MALRD1: variants seen among roughly 807,000 people sequenced by gnomAD.
The protein encoded by MALRD1 is MAM and LDL receptor class A domain containing 1, also known as MAM and LDL-receptor class A domain-containing protein 1.
Under a neutral mutation model 242.1 loss-of-function variants are expected in MALRD1, and 247 were observed. The observed-to-expected ratio is 1.02, with a 90% CI of 0.92 to 1.13. The LOEUF (loss-of-function observed/expected upper bound fraction) is 1.13. Ranked by LOEUF, MALRD1 falls within the 50% of genes most tolerant of loss-of-function variation. The pLI is 0.00. For missense variants in MALRD1, 2,989 were observed against 2,533.1 expected (o/e 1.18, Z -3.86); for synonymous variants, 995 against 866.6 (o/e 1.15, Z -2.60).
rs183463460 is a variant in MALRD1 at position 19,586,491 on chromosome 10, G to A, written c.5681-8703G>A. Among the ~76,000 whole-genome samples, 304 of 152,258 alleles carry A rather than the reference G, an allele frequency of 2.0e-3. 7 individuals carry two copies. Among genetic ancestry groups the A allele is most frequent in the Admixed American group, 0.018 (272 of 15,290 alleles). On this transcript the variant is annotated intron_variant, in intron 33 of 39. Coordinates refer to ENST00000454679, the MANE Select transcript of MALRD1 (RefSeq NM_001142308.3). The stretch of plus-strand genomic sequence containing the variant: ...TCTGTTGGAGTACCCGGCCGTGTGA[G>A]GTGTCAATCTGCCCTTGCTGGTGGG...
intron 36 of MALRD1, among the ~76,000 whole-genome samples, chr10:19,628,853 C>G (rs1172382023): frequency 6.6e-6 from 1 of 152,138 alleles, no homozygotes; most frequent in Non-Finnish European, 1.5e-5. Flanking sequence ...CTGCTTCTAA[C>G]AAAGTGTCCT....
chr10:19,149,678 T>C (rs1433417951), intron 11 of MALRD1, among the ~76,000 whole-genome samples: 2 of 152,190 alleles, frequency 1.3e-5, no homozygotes, highest in African/African-American at 4.8e-5. Context: ...ATTTTTTTCA[T>C]TTTTTATGAT....
Position 19,361,681 on chromosome 10 carries a change from G to A in MALRD1, c.4441+9384G>A, listed in dbSNP as rs570080081. ...TTCTGTGACTTCTGTATTGGTAGTC[G>A]GTTTCATGGAGAGCCAATTCTGGGA... On this transcript the variant is annotated intron_variant, in intron 26 of 39. Coordinates refer to ENST00000454679, the MANE Select transcript of MALRD1 (RefSeq NM_001142308.3). Among the ~76,000 whole-genome samples, 5 of 152,084 alleles carry A rather than the reference G, an allele frequency of 3.3e-5. No homozygotes were observed. In the South Asian group the frequency reaches 6.2e-4, roughly 19 times the overall value.
At chr10:19,608,349 C>T (rs540070720) in intron 35 of MALRD1, among the ~76,000 whole-genome samples, 1 of 152,012 alleles carries the variant, frequency 6.6e-6, no homozygotes, top group South Asian at 2.1e-4. Flanking sequence ...TCTATTAAAC[C>T]TTAGCTTGAC....
chr10:19,410,034 A>G (rs893846260), intron 28 of MALRD1, among the ~76,000 whole-genome samples: 2 of 152,148 alleles, frequency 1.3e-5, no homozygotes, highest in African/African-American at 4.8e-5. Flanking sequence ...TGGACAAGAA[A>G]ATAATCTTAG....
chr10:19,140,523 T>TG (rs1408789937), intron 10 of MALRD1, among the ~76,000 whole-genome samples: 2 of 119,942 alleles, frequency 1.7e-5, no homozygotes, highest in African/African-American at 3.0e-5. Context: ...ATCAAACAAG[T>TG]GGGGTGTGTG....
intron 1 of MALRD1, among the ~76,000 whole-genome samples, chr10:19,054,907 A>T (rs1275806427): frequency 1.3e-5 from 2 of 152,190 alleles, no homozygotes; most frequent in Non-Finnish European, 2.9e-5. Context: ...CTTCTTCAGA[A>T]ATATACCTAG....
At chr10:19,133,129 G>A (rs1833181265) in intron 8 of MALRD1, among the ~76,000 whole-genome samples, 1 of 152,028 alleles carries the variant, frequency 6.6e-6, no homozygotes, top group Non-Finnish European at 1.5e-5. Flanking sequence ...AGTAGAGATG[G>A]AGTTTCACCA....
chr10:19,505,234 C>T (rs1326145680), intron 31 of MALRD1, among the ~76,000 whole-genome samples: 1 of 152,112 alleles, frequency 6.6e-6, no homozygotes, highest in Non-Finnish European at 1.5e-5. Flanking sequence ...ATCCTAAGAT[C>T]CAAGTAAAAA....
intron 24 of MALRD1, among the ~76,000 whole-genome samples, chr10:19,331,952 G>A (rs572215938): frequency 8.6e-5 from 13 of 151,966 alleles, no homozygotes; most frequent in African/African-American, 2.2e-4. Context: ...TGCAAACTCC[G>A]CCTCCCAGGT....
intron 10 of MALRD1, 141 bp downstream of exon 10, chr10:19,136,922 AT>A (rs1564415713): frequency 1.9e-6 from 1 of 513,130 alleles, no homozygotes; most frequent in Non-Finnish European, 3.0e-6. Flanking sequence ...CTCTGAAACT[AT>A]TAGTACTATG....
intron 38 of MALRD1, among the ~76,000 whole-genome samples, chr10:19,724,756 C>G (rs1028616886): frequency 2.6e-5 from 4 of 152,024 alleles, no homozygotes; most frequent in African/African-American, 9.7e-5. Flanking sequence ...GGAAGTAAAA[C>G]GCATTCAAAT....
At chr10:19,276,941 G>T (rs527978482) in intron 19 of MALRD1, among the ~76,000 whole-genome samples, 14 of 151,884 alleles carry the variant, frequency 9.2e-5, no homozygotes, top group African/African-American at 2.4e-4. Flanking sequence ...GGGTGGGAAG[G>T]TGGGGTCTTA....
chr10:19,604,427 TATCTTTA>T (rs1361881808), intron 34 of MALRD1, among the ~76,000 whole-genome samples: 1 of 152,182 alleles, frequency 6.6e-6, no homozygotes, highest in Non-Finnish European at 1.5e-5. Context: ...AAGTTCTAAC[TATCTTTA>T]ATTCTGTGAA....
intron 23 of MALRD1, among the ~76,000 whole-genome samples, chr10:19,330,324 AT>A (rs1425491181): frequency 6.6e-6 from 1 of 151,940 alleles, no homozygotes; most frequent in African/African-American, 2.4e-5. Flanking sequence ...ACACAATAGT[AT>A]AAAGACTTAC....
intron 36 of MALRD1, among the ~76,000 whole-genome samples, chr10:19,621,303 C>T (rs1589318576): frequency 8.5e-6 from 1 of 117,994 alleles, no homozygotes; most frequent in African/African-American, 3.2e-5. Flanking sequence ...AAAACAAATA[C>T]ATGCAACACT....
rs377259544 is a variant in MALRD1, at chr10:19,233,933, T to A, written c.2992-23751T>A. Among the ~76,000 whole-genome samples the A allele has an allele frequency of 2.6e-5, 4 of 152,244 alleles. No homozygotes were observed. In the East Asian group the frequency reaches 5.8e-4, roughly 22 times the overall value. ...TTTGAGATGCTTTTAATATGAAGTT[T>A]TTATGTTTTGTTTTTGATATATACA... On this transcript the variant is annotated intron_variant, in intron 18 of 39. Coordinates refer to ENST00000454679, the MANE Select transcript of MALRD1 (RefSeq NM_001142308.3).
chr10:19,316,342 G>A (rs950709853), intron 21 of MALRD1, among the ~76,000 whole-genome samples: 3 of 151,826 alleles, frequency 2.0e-5, no homozygotes, highest in Admixed American at 6.6e-5. Flanking sequence ...TCAAAAACAA[G>A]ACTTTCTTGG....
At chr10:19,359,687 A>G (rs1252758743) in intron 26 of MALRD1, among the ~76,000 whole-genome samples, 3 of 152,064 alleles carry the variant, frequency 2.0e-5, no homozygotes, top group Non-Finnish European at 4.4e-5. Context: ...AAAAAAAAAG[A>G]CATCACGAGG....
Sources: allele counts gnomAD v4.1 joint callset (sites outside exome capture counted in the v4.1 genomes callset), GRCh38; gene constraint gnomAD v4.1.1; transcripts MANE v1.5; gene names NCBI Gene and HGNC (gene_info 2026-07-23, HGNC 2026-07-21).